Variants in VAC14 observed in about 807,000 individuals in gnomAD.
VAC14 encodes the protein protein VAC14 homolog.
VAC14 carries 47 observed loss-of-function variants against 85.3 expected under a neutral mutation model. The observed-to-expected ratio is 0.55, with a 90% confidence interval of 0.44 to 0.70. VAC14 has a LOEUF of 0.70. Ranked by LOEUF, VAC14 falls within the 30% of genes least tolerant of loss-of-function variation. The pLI is 0.00. For missense variants in VAC14, 861 were observed against 1,004.3 expected, an observed-to-expected ratio of 0.86 and a Z score of 1.93; for synonymous variants, 447 against 430.5, an observed-to-expected ratio of 1.04 and a Z score of -0.47.
chr16:70,731,619 C>T lies in VAC14; in HGVS notation c.1537G>A (p.Gly513Ser). 6.2e-7 allele frequency: 1 copy of T among 1,613,924 alleles called. No homozygotes were observed. ...AGLLNTSGTK[G>S]LECSPSTPTM... ...GGAGTTGAAGGAGAACATTCTAAGCCTTTGGTACCTGTAGAGAAAGGGATA... is the reference window on the plus strand; with the variant it reads ...GGAGTTGAAGGAGAACATTCTAAGCTTTTGGTACCTGTAGAGAAAGGGATA... The change falls in exon 14 of 19, where the codon GGC becomes AGC. Residue 513 changes from glycine (G) to serine (S), a missense_variant. Coordinates refer to ENST00000261776, the MANE Select transcript of VAC14 (RefSeq NM_018052.5).
intron 18 of VAC14, chr16:70,691,118 T>C (rs2053587453): frequency 2.0e-6 from 2 of 985,500 alleles, no homozygotes; most frequent in African/African-American, 3.5e-5. Flanking sequence ...CCGTGGGAGA[T>C]TCTGAGGAAA....
intron 10 of VAC14, chr16:70,766,313 T>C (rs193194572): frequency 8.2e-6 from 3 of 365,408 alleles, no homozygotes; most frequent in Admixed American, 6.8e-5. Context: ...CCTAAGATGC[T>C]GCTGGCCAGC....
In VAC14 at chr16:70,695,634, A is replaced by T; in HGVS notation, c.1956-11T>A. 6.2e-7 allele frequency: 1 copy of T among 1,611,340 alleles called. No individual in the cohort carries two copies. Among genetic ancestry groups the T allele is most frequent in the East Asian group, 2.2e-5 (1 of 44,782 alleles). Reference sequence around the variant, plus strand: ...ACCTCCAGGTCCCCACTGGGTGTGCAGTCAAGGAAAGTCTGTCTGCTGGGC... The same window carrying T: ...ACCTCCAGGTCCCCACTGGGTGTGCTGTCAAGGAAAGTCTGTCTGCTGGGC... On this transcript the variant is annotated splice_polypyrimidine_tract_variant and intron_variant, in intron 16 of 18. Coordinates refer to ENST00000261776, the MANE Select transcript of VAC14 (RefSeq NM_018052.5).
At chr16:70,728,389 C>T (rs893318074) in intron 14 of VAC14, among the ~76,000 whole-genome samples, 2 of 152,160 alleles carry the variant, frequency 1.3e-5, no homozygotes, top group African/African-American at 4.8e-5. Flanking sequence ...TAGCAGAGTG[C>T]AGGAGTTTGC....
At chr16:70,731,245 AG>A in intron 14 of VAC14, 1 of 1,229,414 alleles carries the variant, frequency 8.1e-7, no homozygotes, top group African/African-American at 1.5e-5. Context: ...AGGGGAAGAT[AG>A]TAACTCAGGA....
intron 13 of VAC14, among the ~76,000 whole-genome samples, chr16:70,734,547 C>G (rs2054691542): frequency 6.6e-6 from 1 of 152,118 alleles, no homozygotes; most frequent in Non-Finnish European, 1.5e-5. Flanking sequence ...ATGAAATTAC[C>G]TAATCTAAGG....
chr16:70,767,313 T>C (rs1418482585), intron 10 of VAC14, among the ~76,000 whole-genome samples: 2 of 152,184 alleles, frequency 1.3e-5, no homozygotes, highest in Admixed American at 1.3e-4. Context: ...TTTACAGTGT[T>C]CGGGTTACAT....
At chr16:70,688,474 G>C in intron 18 of VAC14, 1 of 993,350 alleles carries the variant, frequency 1.0e-6, no homozygotes, top group Non-Finnish European at 1.2e-6. Context: ...GGGAGAAGGG[G>C]GAGGTGGCAG....
intron 13 of VAC14, among the ~76,000 whole-genome samples, chr16:70,737,827 A>T (rs1221268088): frequency 6.6e-6 from 1 of 152,242 alleles, no homozygotes; most frequent in African/African-American, 2.4e-5. Flanking sequence ...GCTTCAGTAC[A>T]TAACGCGAGT....
At chr16:70,737,873 C>A (rs2054810857) in intron 13 of VAC14, among the ~76,000 whole-genome samples, 2 of 152,232 alleles carry the variant, frequency 1.3e-5, no homozygotes, top group Non-Finnish European at 1.5e-5. Flanking sequence ...AAACGTCAGC[C>A]ACCCAGTTCA....
chr16:70,776,692 G>C (rs2033534916), intron 9 of VAC14, among the ~76,000 whole-genome samples: 1 of 151,938 alleles, frequency 6.6e-6, no homozygotes, highest in Non-Finnish European at 1.5e-5. Flanking sequence ...AGCAAACTGA[G>C]TAGCTGGGAT....
At chr16:70,746,742 C>T (rs556880962) in intron 12 of VAC14, among the ~76,000 whole-genome samples, 13 of 152,302 alleles carry the variant, frequency 8.5e-5, no homozygotes, top group South Asian at 2.1e-4. Context: ...TGAATGACGC[C>T]GCGGTCCTGC....
At chr16:70,771,097 G>C (rs906165829) in intron 10 of VAC14, 2 of 152,224 alleles carry the variant, frequency 1.3e-5, no homozygotes, top group Non-Finnish European at 2.9e-5. Flanking sequence ...TCTAGCCCCA[G>C]AGATGCCAAG....
At chr16:70,779,124 G>C (rs1001347576) in intron 9 of VAC14, 2 of 152,274 alleles carry the variant, frequency 1.3e-5, no homozygotes, top group Non-Finnish European at 2.9e-5. Flanking sequence ...GCTGAGTGCT[G>C]TTCTGCCTCC....
intron 1 of VAC14, among the ~76,000 whole-genome samples, chr16:70,798,573 ACTAACCAG>A (rs1339138086): frequency 2.0e-5 from 3 of 152,236 alleles, no homozygotes; most frequent in Non-Finnish European, 4.4e-5. Flanking sequence ...AAGGCATTGA[ACTAACCAG>A]CCATTCTTCA....
At position 70,785,746 on chromosome 16, in the gene VAC14, C is replaced by A. The variant is rs368667926; in HGVS notation, c.379G>T (p.Ala127Ser). The change falls in exon 3 of 19, where the codon GCT becomes TCT. Residue 127 changes from alanine (A) to serine (S), a missense_variant. Ala to Ser is a moderately conservative substitution (Grantham distance 99). Coordinates refer to ENST00000261776, the MANE Select transcript of VAC14 (RefSeq NM_018052.5). The stretch of plus-strand genomic sequence containing the variant: ...AGCACGTTGAAGTGGGGCAGCACAG[C>A]GCCCCGGGCCACCTTGACGATGTTG... ...LYNIVKVARG[A>S]VLPHFNVLFD... 2 of 1,571,054 alleles carry A rather than the reference C, an allele frequency of 1.3e-6. No homozygotes were observed. Among genetic ancestry groups the A allele is most frequent in the Middle Eastern group, 3.4e-4 (2 of 5,866 alleles).
intron 14 of VAC14, 35 bp from the exon 15 acceptor site, chr16:70,698,846 C>T (rs1450815754): frequency 1.2e-6 from 2 of 1,609,244 alleles, no homozygotes; most frequent in Non-Finnish European, 1.7e-6. Flanking sequence ...AGGGCGCAGG[C>T]CGACCTGGAA....
chr16:70,788,206 CA>C (rs1385445739), intron 1 of VAC14, among the ~76,000 whole-genome samples: 1 of 152,216 alleles, frequency 6.6e-6, no homozygotes, highest in Admixed American at 6.5e-5. Flanking sequence ...TAATTAAAAC[CA>C]ACGGTGCTGT....
In VAC14 at chr16:70,786,384, G is replaced by C. The variant is rs770477082; in HGVS notation, c.105-19C>G. 1.9e-6 allele frequency: 3 copies of C among 1,609,454 alleles called. No individual in the cohort carries two copies. The highest frequency in any genetic ancestry group is 2.2e-5 in the East Asian group (1 of 44,796). On this transcript the variant is annotated intron_variant, in intron 1 of 18. Coordinates refer to ENST00000261776, the MANE Select transcript of VAC14 (RefSeq NM_018052.5). ...GACCAGCCTGGAGAGAGAGGAGAGA[G>C]GGGCTGTGGGAATCAGGCTACCTCT...
Sources: allele counts gnomAD v4.1 joint callset (sites outside exome capture counted in the v4.1 genomes callset), GRCh38; gene constraint gnomAD v4.1.1; transcripts MANE v1.5; gene names NCBI Gene and HGNC (gene_info 2026-07-23, HGNC 2026-07-21).